The following FBXW4 variants were observed in gnomAD, a reference collection of about 807,000 sequenced individuals.
FBXW4 encodes the protein F-box and WD repeat domain containing 4, also known as F-box/WD repeat-containing protein 4.
A neutral mutation model predicts 61.8 loss-of-function variants in FBXW4; 40 were observed. The ratio of observed to expected loss-of-function variants is 0.65; its 90% CI spans 0.50 to 0.84. FBXW4 has a LOEUF of 0.84. Ranked by LOEUF, FBXW4 falls within the 40% of genes least tolerant of loss-of-function variation. The probability of loss-of-function intolerance (pLI) is 0.00; values close to 1 mark genes in which losing one functional copy is unlikely to be tolerated. For synonymous variants in FBXW4, 311 were observed against 313.8 expected (o/e 0.99, Z 0.10); for missense variants, 672 against 753.8 (o/e 0.89, Z 1.27).
intron 1 of FBXW4, among the ~76,000 whole-genome samples, chr10:101,691,903 A>C (rs2064607875): frequency 6.6e-6 from 1 of 152,228 alleles, no homozygotes. Flanking sequence ...CAAATTCAAA[A>C]TTTACAAGAG....
intron 1 of FBXW4, among the ~76,000 whole-genome samples, chr10:101,693,475 C>T (rs981231420): frequency 2.0e-5 from 3 of 152,094 alleles, no homozygotes; most frequent in South Asian, 2.1e-4. Context: ...CTGTTAGGAT[C>T]AGTAAGATAG....
At chr10:101,632,259 G>A (rs1158568159) in intron 5 of FBXW4, among the ~76,000 whole-genome samples, 2 of 151,850 alleles carry the variant, frequency 1.3e-5, no homozygotes, top group Non-Finnish European at 1.5e-5. Context: ...AGTGCATCAG[G>A]GCAGGATGGT....
intron 5 of FBXW4, among the ~76,000 whole-genome samples, chr10:101,628,285 G>A (rs1249117991): frequency 6.6e-6 from 1 of 152,234 alleles, no homozygotes; most frequent in Non-Finnish European, 1.5e-5. Flanking sequence ...TCCCTCAGGG[G>A]TATTCCAGGG....
In FBXW4 at chr10:101,672,922, G is replaced by A. The variant is rs374162563; in HGVS notation, c.1133C>T (p.Thr378Met). The A allele has an allele frequency of 1.2e-5, 19 of 1,613,616 alleles. No individual in the cohort carries two copies. Among genetic ancestry groups the A allele is most frequent in the African/African-American group, 6.7e-5 (5 of 74,840 alleles). ...AGGGGGAGACCACCTCACCTTGGCCGTCCTGTCCCTGGAGCCACTCACAAT... is the reference window on the plus strand; with the variant it reads ...AGGGGGAGACCACCTCACCTTGGCCATCCTGTCCCTGGAGCCACTCACAAT... ...GIIVSGSRDR[T>M]AKVWPLASGR... Residue 378 changes from threonine to methionine, a missense_variant, in exon 4 of 9, where the codon ACG (threonine) becomes ATG (methionine). By Grantham distance (81) the Thr-to-Met change is moderately conservative. Around this residue, in one of 5 missense-constraint regions of FBXW4, gnomAD observed 312 missense variants for 370.1 expected, o/e 0.84. Coordinates refer to ENST00000331272, the MANE Select transcript of FBXW4 (RefSeq NM_022039.4).
chr10:101,645,250 T>C (rs1355038069), intron 5 of FBXW4, among the ~76,000 whole-genome samples: 4 of 152,204 alleles, frequency 2.6e-5, no homozygotes, highest in Admixed American at 1.3e-4. Flanking sequence ...CCCTGCGGCA[T>C]GGAACAGCCT....
chr10:101,642,641 G>A (rs1278867685), intron 5 of FBXW4, among the ~76,000 whole-genome samples: 1 of 152,154 alleles, frequency 6.6e-6, no homozygotes, highest in East Asian at 1.9e-4. Flanking sequence ...CCAGTCTGTA[G>A]GCACCAAATT....
chr10:101,686,253 A>T (rs2134917078), intron 1 of FBXW4, among the ~76,000 whole-genome samples: 1 of 152,254 alleles, frequency 6.6e-6, no homozygotes, highest in East Asian at 1.9e-4. Flanking sequence ...TGGTCAAAAC[A>T]TTTTGCATGA....
At chr10:101,682,284 T>G (rs1388675516) in intron 1 of FBXW4, among the ~76,000 whole-genome samples, 1 of 152,192 alleles carries the variant, frequency 6.6e-6, no homozygotes, top group Non-Finnish European at 1.5e-5. Flanking sequence ...GGCTAAAATC[T>G]TTTACTGAAT....
chr10:101,618,402 A>G (rs1339586971), intron 6 of FBXW4, among the ~76,000 whole-genome samples: 1 of 152,168 alleles, frequency 6.6e-6, no homozygotes, highest in East Asian at 1.9e-4. Flanking sequence ...TTCATTAGGC[A>G]CAGAGGGGGT....
chr10:101,632,246 C>T (rs1416568203), intron 5 of FBXW4, among the ~76,000 whole-genome samples: 1 of 152,008 alleles, frequency 6.6e-6, no homozygotes, highest in East Asian at 1.9e-4. Flanking sequence ...CTCTCTCAAC[C>T]CAAGTGCATC....
chr10:101,692,850 AAG>A (rs2064625595), intron 1 of FBXW4, among the ~76,000 whole-genome samples: 1 of 152,170 alleles, frequency 6.6e-6, no homozygotes, highest in Non-Finnish European at 1.5e-5. Flanking sequence ...TGGGGAGAAA[AAG>A]AGAAAAAAAT....
In FBXW4 at chr10:101,640,484, C is replaced by CTTTTT. The variant is rs386372272; in HGVS notation, c.1236-15679_1236-15675dup. 5.8e-3 allele frequency among the ~76,000 whole-genome samples: 485 copies of CTTTTT among 83,874 alleles called. 15 individuals are homozygous for CTTTTT. The highest frequency in any genetic ancestry group is 9.3e-3 in the Middle Eastern group (1 of 108). The allele number at this position is 83,874 out of a possible 152,430, so 55.0% of individuals were successfully genotyped here. A position where few individuals can be genotyped will look rare whatever the true frequency, so the allele number is the denominator to read the frequency against. ...TCTTTTCTTTTCTTTCTTTCTTTCT[C>CTTTTT]TTTTTTTTTTTTTTTTTTTTTTTGA... On this transcript the variant is annotated intron_variant, in intron 5 of 8. Transcript: ENST00000331272.
At chr10:101,639,956 A>G (rs2064036921) in intron 5 of FBXW4, among the ~76,000 whole-genome samples, 2 of 152,198 alleles carry the variant, frequency 1.3e-5, no homozygotes, top group Admixed American at 1.3e-4. Flanking sequence ...TGTCACTTAC[A>G]ATAAATGTGT....
In FBXW4 at chr10:101,613,500, G is replaced by T. The variant is rs11191065; in HGVS notation, c.1302-1023C>A. Among the ~76,000 whole-genome samples, 25 of 152,370 alleles carry T rather than the reference G, an allele frequency of 1.6e-4. No homozygotes were observed. The East Asian group carries it at 4.8e-3, about 29-fold the overall frequency. On this transcript the variant is annotated intron_variant, in intron 6 of 8. Transcript: ENST00000331272. The stretch of plus-strand genomic sequence containing the variant: ...AACAAGGCCGTGGACACTTCACAGG[G>T]ATGTCCAGGTAAGAGGCCCTGGCAT...
intron 6 of FBXW4, among the ~76,000 whole-genome samples, chr10:101,612,798 G>A (rs985571238): frequency 1.8e-4 from 28 of 151,778 alleles, no homozygotes; most frequent in African/African-American, 6.8e-4. Flanking sequence ...GAAGGGGTCG[G>A]CCCCCCTCAC....
At position 101,694,760 on chromosome 10, in the gene FBXW4, C is replaced by G. The variant is rs536194461; in HGVS notation, c.346G>C (p.Glu116Gln). The G allele has an allele frequency of 1.0e-5, 14 of 1,356,156 alleles. No individual in the cohort carries two copies. The South Asian group carries it at 1.1e-4, about 11-fold the overall frequency. The allele number at this position is 1,356,156 out of a possible 1,614,324, so 84.0% of individuals were successfully genotyped here. The part of the protein sequence containing the change: ...AGAGKEAQGR[E>Q]YGKKEEWRVR... ...CTCCATTCCTCCTTCTTCCCATACT[C>G]TCTTCCTTGTGCCTCCTTCCCGGCC... The change falls in exon 1 of 9, where the codon GAG becomes CAG. Residue 116 changes from glutamate (E) to glutamine (Q), a missense_variant. This residue lies in a region of FBXW4 where 311 missense variants were observed against 301.1 expected (regional missense o/e 1.03). Transcript: ENST00000331272. The surrounding 1 kb of genome is among the most constrained non-coding windows in gnomAD (Gnocchi z 6.0).
rs1371905317 is a variant in FBXW4 at position 101,623,480 on chromosome 10, T to C, written c.1301+1265A>G. Reference sequence around the variant, plus strand: ...GTGAAGAAATTGGATCTCTCATACATTGGTGGTGGGAATGTAAAATGATAA... The same window carrying C: ...GTGAAGAAATTGGATCTCTCATACACTGGTGGTGGGAATGTAAAATGATAA... On this transcript the variant is annotated intron_variant, in intron 6 of 8. Transcript: ENST00000331272. 4.6e-5 allele frequency among the ~76,000 whole-genome samples: 7 copies of C among 152,078 alleles called. No individual in the cohort carries two copies. The East Asian group carries it at 1.2e-3, about 25-fold the overall frequency.
chr10:101,692,494 GC>G (rs1170744351), intron 1 of FBXW4, among the ~76,000 whole-genome samples: 1 of 151,980 alleles, frequency 6.6e-6, no homozygotes, highest in Non-Finnish European at 1.5e-5. Flanking sequence ...CATGGCTCAT[GC>G]CTGTAATCCC....
At position 101,652,220 on chromosome 10, in the gene FBXW4, T is replaced by TA. The variant is rs139950803; in HGVS notation, c.1235+15665dup. Among the ~76,000 whole-genome samples, 215 of 145,400 alleles carry TA rather than the reference T, an allele frequency of 1.5e-3. 1 individual carries two copies. The highest frequency in any genetic ancestry group is 4.4e-3 in the African/African-American group (176 of 39,810). On this transcript the variant is annotated intron_variant, in intron 5 of 8. Coordinates refer to ENST00000331272, the MANE Select transcript of FBXW4 (RefSeq NM_022039.4). Reference sequence around the variant, plus strand: ...TTGAAAGTTTTTAGTTATATCTCTTTAAAAAAAAAAAAGTTTTCAGACAGC... The same window carrying TA: ...TTGAAAGTTTTTAGTTATATCTCTTTAAAAAAAAAAAAAGTTTTCAGACAGC...
Sources: allele counts gnomAD v4.1 joint callset (sites outside exome capture counted in the v4.1 genomes callset), GRCh38; gene constraint gnomAD v4.1.1; regional missense constraint gnomAD v4.1.1; non-coding constraint Gnocchi (gnomAD v3.1); transcripts MANE v1.5; gene names NCBI Gene and HGNC (gene_info 2026-07-23, HGNC 2026-07-21).